The following RBFOX1 variants were observed in gnomAD, a reference collection of about 807,000 sequenced individuals.
RBFOX1 encodes RNA binding fox-1 homolog 1.
In RBFOX1, 8 loss-of-function variants were observed where a neutral mutation model predicts 57.7. That is an observed-to-expected ratio of 0.14 (90% CI 0.08 to 0.25). The LOEUF is 0.25. Among genes scored for constraint, RBFOX1 ranks in the 10% least tolerant of loss-of-function variants. RBFOX1 has a pLI of 1.00. For missense variants in RBFOX1, 611 were observed against 548.5 expected (o/e 1.11, Z -1.14); for synonymous variants, 326 against 222.4 (o/e 1.47, Z -4.15).
chr16:5,461,277 C>G lies in RBFOX1; in HGVS notation c.220-5939C>G, dbSNP rs534275537. On this transcript the variant is annotated intron_variant, in intron 1 of 2. Coordinates refer to the RBFOX1 transcript ENST00000585867. ...TGCAGAGTTCACTGGTTTATTAATT[C>G]AAGAGTGCAATTAGAGGCTCGATGA... 5.3e-5 allele frequency among the ~76,000 whole-genome samples: 8 copies of G among 152,276 alleles called. No homozygotes were observed. In the South Asian group the frequency reaches 6.2e-4, roughly 12 times the overall value.
chr16:6,182,858 G>T (rs973983542), intron 1 of RBFOX1, among the ~76,000 whole-genome samples: 1 of 152,134 alleles, frequency 6.6e-6, no homozygotes, highest in Admixed American at 6.5e-5. Context: ...GTGAAGAATA[G>T]AACACATTCT....
intron 2 of RBFOX1, among the ~76,000 whole-genome samples, chr16:5,531,521 G>A (rs532416856): frequency 6.6e-6 from 1 of 152,136 alleles, no homozygotes; most frequent in Non-Finnish European, 1.5e-5. Context: ...AGGGACTGTT[G>A]AAAAAATGTG....
chr16:7,690,311 C>T (rs2077041517), intron 14 of RBFOX1, among the ~76,000 whole-genome samples: 1 of 152,102 alleles, frequency 6.6e-6, no homozygotes, highest in South Asian at 2.1e-4. Flanking sequence ...AGAACGTTAG[C>T]ACATTAGAAT....
intron 12 of RBFOX1, among the ~76,000 whole-genome samples, chr16:7,658,515 G>A (rs1033518315): frequency 2.0e-5 from 3 of 152,070 alleles, no homozygotes; most frequent in African/African-American, 7.2e-5. Flanking sequence ...TACCCATCAG[G>A]TAATTGCTGT....
At chr16:7,448,843 C>T (rs1156668673) in intron 4 of RBFOX1, among the ~76,000 whole-genome samples, 4 of 151,404 alleles carry the variant, frequency 2.6e-5, no homozygotes, top group African/African-American at 4.9e-5. Context: ...CACTTTAATC[C>T]GGTATAATCT....
intron 2 of RBFOX1, among the ~76,000 whole-genome samples, chr16:6,498,142 C>T (rs898819505): frequency 5.9e-5 from 9 of 151,548 alleles, no homozygotes; most frequent in African/African-American, 2.2e-4. Context: ...GTCCCAGCTA[C>T]CTGGAAGGCT....
intron 3 of RBFOX1, among the ~76,000 whole-genome samples, chr16:6,961,241 A>G (rs527380320): frequency 1.3e-5 from 2 of 152,144 alleles, no homozygotes; most frequent in Non-Finnish European, 2.9e-5. Context: ...TGAGCTGCTG[A>G]TGGCCATTTT....
chr16:6,605,088 A>G (rs1298361195), intron 2 of RBFOX1, among the ~76,000 whole-genome samples: 1 of 152,142 alleles, frequency 6.6e-6, no homozygotes, highest in East Asian at 1.9e-4. Context: ...TACACACACA[A>G]ATTAGCTGGG....
chr16:5,957,513 C>T (rs1196386360), intron 4 of RBFOX1, among the ~76,000 whole-genome samples: 2 of 152,300 alleles, frequency 1.3e-5, no homozygotes, highest in South Asian at 2.1e-4. Context: ...GCATGAGTCG[C>T]CTTGCCCAGC....
chr16:6,897,261 A>G (rs2067167908), intron 3 of RBFOX1, among the ~76,000 whole-genome samples: 1 of 152,202 alleles, frequency 6.6e-6, no homozygotes, highest in African/African-American at 2.4e-5. Context: ...GTCTTTACTA[A>G]AAATACAAAA....
intron 2 of RBFOX1, among the ~76,000 whole-genome samples, chr16:6,486,664 T>C (rs181423636): frequency 4.2e-4 from 64 of 152,058 alleles, no homozygotes; most frequent in African/African-American, 1.5e-3. Context: ...TTATTATTTT[T>C]TTTTTTGGCA....
intron 4 of RBFOX1, among the ~76,000 whole-genome samples, chr16:5,987,525 T>C (rs2060306490): frequency 6.6e-6 from 1 of 152,200 alleles, no homozygotes; most frequent in Admixed American, 6.5e-5. Flanking sequence ...AAGGTTGTGA[T>C]CTATTCTGTT....
At position 7,049,741 on chromosome 16, in the gene RBFOX1, T is replaced by C. The variant is rs930496445; in HGVS notation, c.-15-2316T>C. ...TCAGAGATCTCAAATAGCTCCCCCA[T>C]GCATTCTATACAGATTTCCTTGCTG... On this transcript the variant is annotated intron_variant, in intron 3 of 15. Coordinates refer to ENST00000550418, the MANE Select transcript of RBFOX1 (RefSeq NM_018723.4). 3.9e-5 allele frequency among the ~76,000 whole-genome samples: 6 copies of C among 152,270 alleles called. No individual in the cohort carries two copies. In the Middle Eastern group the frequency reaches 0.01, roughly 259 times the overall value.
At chr16:6,399,077 G>A (rs752185489) in intron 2 of RBFOX1, among the ~76,000 whole-genome samples, 1 of 152,204 alleles carries the variant, frequency 6.6e-6, no homozygotes, top group Non-Finnish European at 1.5e-5. Flanking sequence ...CCACGTGAAA[G>A]CTGCCAAGGC....
chr16:7,000,842 T>A (rs1596531384), intron 3 of RBFOX1, among the ~76,000 whole-genome samples: 2 of 152,220 alleles, frequency 1.3e-5, no homozygotes, highest in African/African-American at 2.4e-5. Flanking sequence ...GACCTTGTGA[T>A]CCGCCCGCCT....
intron 3 of RBFOX1, among the ~76,000 whole-genome samples, chr16:6,731,995 AT>A (rs1188658889): frequency 1.3e-5 from 2 of 152,102 alleles, no homozygotes; most frequent in Non-Finnish European, 1.5e-5. Flanking sequence ...AAAAGGGAAG[AT>A]TTTTTTTAAA....
intron 2 of RBFOX1, among the ~76,000 whole-genome samples, chr16:6,574,263 G>A (rs1567733911): frequency 6.6e-6 from 1 of 151,922 alleles, no homozygotes; most frequent in African/African-American, 2.4e-5. Flanking sequence ...GGTAACACAC[G>A]TTGTTCATGT....
intron 2 of RBFOX1, among the ~76,000 whole-genome samples, chr16:6,529,210 A>G (rs1416003361): frequency 6.6e-6 from 1 of 152,154 alleles, no homozygotes; most frequent in Non-Finnish European, 1.5e-5. Context: ...TTTTTATTGT[A>G]AACTACTTTT....
intron 5 of RBFOX1, among the ~76,000 whole-genome samples, chr16:7,534,091 T>TTC (rs1157770330): frequency 2.9e-5 from 4 of 137,976 alleles, no homozygotes; most frequent in Non-Finnish European, 6.5e-5. Context: ...TTTTTCTTTT[T>TTC]TTTTTTTTTT....
Sources: gnomAD v4.1 joint callset for allele counts (sites outside exome capture counted in the v4.1 genomes callset) on GRCh38, gnomAD v4.1.1 for gene constraint, MANE v1.5 for transcripts, NCBI Gene and HGNC (gene_info 2026-07-23, HGNC 2026-07-21) for gene names.